The following RPS9 variants were observed in gnomAD, a reference collection of about 807,000 sequenced individuals.
The protein encoded by RPS9 is small ribosomal subunit protein uS4.
RPS9 carries 1 observed loss-of-function variant against 16.9 expected under a neutral mutation model. The ratio of observed to expected loss-of-function variants is 0.06; its 90% CI spans 0.02 to 0.28. RPS9 has a LOEUF of 0.28. RPS9 is among the 10% of genes least tolerant of loss of function. The pLI, the probability that RPS9 is intolerant of heterozygous loss-of-function variation, is 1.00. For missense variants in RPS9, 137 were observed against 273.2 expected, an observed-to-expected ratio of 0.50 and a Z score of 3.51; for synonymous variants, 106 against 110.9, an observed-to-expected ratio of 0.96 and a Z score of 0.28.
At chr19:54,203,429 T>C (rs781024748) in intron 3 of RPS9, 5 of 502,162 alleles carry the variant, frequency 1.0e-5, no homozygotes, top group Non-Finnish European at 1.3e-5. Context: ...GTCTCGTCTG[T>C]TAAGACTGAA....
In RPS9 at chr19:54,200,882, T is replaced by A. The variant is rs2077016562; in HGVS notation, c.-32T>A. The A allele has an allele frequency of 8.6e-7, 1 of 1,168,280 alleles. No homozygotes were observed. Among genetic ancestry groups the A allele is most frequent in the Non-Finnish European group, 1.1e-6 (1 of 943,266 alleles). The allele number at this position is 1,168,280 out of a possible 1,614,324, so 72.4% of individuals were successfully genotyped here. ...CCTCTTTCTCAGTGACCGGGTGGTTTGCTTAGGTGAGGTGCGGTGGTGTGC... is the reference window on the plus strand; with the variant it reads ...CCTCTTTCTCAGTGACCGGGTGGTTAGCTTAGGTGAGGTGCGGTGGTGTGC... On this transcript the variant is annotated 5_prime_UTR_variant, in exon 1 of 5. Coordinates refer to ENST00000302907, the MANE Select transcript of RPS9 (RefSeq NM_001013.4).
chr19:54,204,654 TC>T (rs1400705763), intron 3 of RPS9, among the ~76,000 whole-genome samples: 1 of 152,110 alleles, frequency 6.6e-6, no homozygotes, highest in African/African-American at 2.4e-5. Flanking sequence ...ACTCAACTGA[TC>T]CTCCTGCCTC....
intron 3 of RPS9, chr19:54,201,841 G>A: frequency 1.2e-6 from 1 of 845,846 alleles, no homozygotes; most frequent in Non-Finnish European, 1.7e-6. Context: ...GTTTAGTAAT[G>A]ACCAGAGCTA....
At chr19:54,201,347 T>C (rs1480715318) in intron 2 of RPS9, 66 bp downstream of exon 2, 82 of 1,612,328 alleles carry the variant, frequency 5.1e-5, no homozygotes, top group Non-Finnish European at 6.7e-5. Context: ...TGGATGAAGG[T>C]GCCCATGTAC....
At chr19:54,202,587 C>T (rs1381165650) in intron 3 of RPS9, 9 of 984,824 alleles carry the variant, frequency 9.1e-6, no homozygotes, top group Non-Finnish European at 9.6e-6. Context: ...TGAAAATGTA[C>T]CATCTTAACC....
chr19:54,202,900 G>A, intron 3 of RPS9: 1 of 983,118 alleles, frequency 1.0e-6, no homozygotes, highest in Non-Finnish European at 1.2e-6. Flanking sequence ...ATCTTGCAGT[G>A]TTGACCAGGA....
rs752003498 is a variant in RPS9 at position 54,207,404 on chromosome 19, C to A, written c.414C>A (p.Arg138=). Residue 138 remains arginine (R), a synonymous_variant, in exon 5 of 5, where the codon CGC becomes CGA. Coordinates refer to ENST00000302907, the MANE Select transcript of RPS9 (RefSeq NM_001013.4). ...ACCTTGTCGCTGCTTCCAGGGTCCG[C>A]AAGCAGGTGGTGAACATCCCGTCCT... ...VLIRQRHIRV[R]KQVVNIPSFI... 6.2e-7 allele frequency: 1 copy of A among 1,610,558 alleles called. No homozygotes were observed. The highest frequency in any genetic ancestry group is 8.5e-7 in the Non-Finnish European group (1 of 1,177,764).
chr19:54,202,532 A>C (rs887124212), intron 3 of RPS9: 2 of 978,962 alleles, frequency 2.0e-6, no homozygotes, highest in African/African-American at 3.5e-5. Context: ...CAGATCACAT[A>C]GACTTAGGCT....
chr19:54,203,157 A>T (rs577933368), intron 3 of RPS9: 1 of 927,874 alleles, frequency 1.1e-6, no homozygotes, highest in East Asian at 1.2e-4. Flanking sequence ...CTTTCTGGAC[A>T]TAGATCCTAA....
intron 2 of RPS9, 71 bp downstream of exon 2, chr19:54,201,352 A>T (rs918612406): frequency 2.6e-5 from 42 of 1,611,858 alleles, no homozygotes; most frequent in Non-Finnish European, 3.1e-5. Context: ...GAAGGTGCCC[A>T]TGTACTCTAT....
At chr19:54,201,083 C>A in intron 1 of RPS9, 77 bp from the exon 2 acceptor site, 2 of 1,564,900 alleles carry the variant, frequency 1.3e-6, no homozygotes, top group Non-Finnish European at 8.7e-7. Context: ...ATCTGGGCTC[C>A]GCGAGGTTTT....
chr19:54,207,051 C>T (rs1310790907), intron 4 of RPS9: 11 of 437,202 alleles, frequency 2.5e-5, no homozygotes, highest in East Asian at 7.9e-5. Flanking sequence ...TGCTGCTGCA[C>T]GTGGTAATAC....
chr19:54,207,159 C>T, intron 4 of RPS9: 1 of 541,368 alleles, frequency 1.8e-6, no homozygotes, highest in Non-Finnish European at 3.3e-6. Flanking sequence ...AGGTGGGATA[C>T]TTTCGGATTT....
At chr19:54,203,203 G>A in intron 3 of RPS9, 1 of 934,622 alleles carries the variant, frequency 1.1e-6, no homozygotes, top group Non-Finnish European at 1.3e-6. Flanking sequence ...AGAAAGCGGT[G>A]CAGGTGTCTG....
Position 54,201,536 on chromosome 19 carries a change from C to T in RPS9, c.147C>T (p.Thr49=), listed in dbSNP as rs930015769. 1 of 1,614,014 alleles carries T rather than the reference C, an allele frequency of 6.2e-7. No individual in the cohort carries two copies. Among genetic ancestry groups the T allele is most frequent in the Non-Finnish European group, 8.5e-7 (1 of 1,180,004 alleles). The stretch of plus-strand genomic sequence containing the variant: ...GTGAGGTCTGGAGGGTCAAATTTAC[C>T]CTGGCCAAGATCCGCAAGGCCGCCC... The part of the protein sequence containing the change: ...NKREVWRVKF[T]LAKIRKAARE... The change falls in exon 3 of 5, where the codon ACC becomes ACT. Residue 49 remains threonine, a synonymous_variant. Coordinates refer to ENST00000302907, the MANE Select transcript of RPS9 (RefSeq NM_001013.4).
intron 4 of RPS9, 38 bp downstream of exon 4, chr19:54,206,500 T>C: frequency 1.2e-6 from 2 of 1,611,660 alleles, no homozygotes; most frequent in Non-Finnish European, 1.7e-6. Context: ...TTCCTCCACC[T>C]GCCCCTCTGA....
chr19:54,201,217 A>T lies in RPS9; in HGVS notation c.33A>T (p.Lys11Asn). The T allele has an allele frequency of 6.2e-7, 1 of 1,610,518 alleles. No individual in the cohort carries two copies. The change falls in exon 2 of 5, where the codon AAA becomes AAT. Residue 11 changes from lysine (K) to asparagine (N), a missense_variant. Transcript: ENST00000302907. MPVARSWVCRKTYVTPRRPFE... is the reference protein window; with the variant it reads MPVARSWVCRNTYVTPRRPFE... ...TGGCCCGGAGCTGGGTTTGTCGCAA[A>T]ACTTATGTGACCCCGCGGAGACCCT...
At chr19:54,204,652 G>C (rs113702574) in intron 3 of RPS9, among the ~76,000 whole-genome samples, 1 of 152,156 alleles carries the variant, frequency 6.6e-6, no homozygotes, top group Non-Finnish European at 1.5e-5. Context: ...GGACTCAACT[G>C]ATCCTCCTGC....
rs1344225096 is a variant in RPS9 at position 54,206,182 on chromosome 19, G to T, written c.221-94G>T. ...GCTGTACTACTTGTGCCTCACCGCC[G>T]CGGCATGGAGCTACCAAGAGGCGGA... On this transcript the variant is annotated intron_variant, in intron 3 of 4. Transcript: ENST00000302907. The T allele has an allele frequency of 6.2e-6, 8 of 1,288,424 alleles. No homozygotes were observed. In the Admixed American group the frequency reaches 1.7e-4, roughly 28 times the overall value. The allele number at this position is 1,288,424 out of a possible 1,614,324, so 79.8% of individuals were successfully genotyped here.
Sources: gnomAD v4.1 joint callset for allele counts (sites outside exome capture counted in the v4.1 genomes callset) on GRCh38, gnomAD v4.1.1 for gene constraint, MANE v1.5 for transcripts, NCBI Gene and HGNC (gene_info 2026-07-23, HGNC 2026-07-21) for gene names.